The following DCAF6 variants were observed in gnomAD, a reference collection of about 807,000 sequenced individuals.
DCAF6 encodes the protein DDB1 and CUL4 associated factor 6, also known as DDB1- and CUL4-associated factor 6.
A neutral mutation model predicts 125.1 loss-of-function variants in DCAF6; 54 were observed. The ratio of observed to expected loss-of-function variants is 0.43; its 90% CI spans 0.35 to 0.54. The LOEUF is 0.54. Among genes scored for constraint, DCAF6 ranks in the 20% least tolerant of loss-of-function variants. The pLI, the probability that DCAF6 is intolerant of heterozygous loss-of-function variation, is 0.01. For missense variants in DCAF6, 934 were observed against 1,161.7 expected, an observed-to-expected ratio of 0.80 and a Z score of 2.85; for synonymous variants, 371 against 390.4, an observed-to-expected ratio of 0.95 and a Z score of 0.58.
chr1:167,883,657 G>A, the DCAF6 span: 1 of 1,613,016 alleles, frequency 6.2e-7, no homozygotes, highest in Non-Finnish European at 8.5e-7. Flanking sequence ...CTTTCTGTAG[G>A]TGTCCTTGGC....
At chr1:167,938,586 A>G (rs1408717753) in intron 1 of DCAF6, among the ~76,000 whole-genome samples, 1 of 152,212 alleles carries the variant, frequency 6.6e-6, no homozygotes, top group Non-Finnish European at 1.5e-5. Context: ...TTTTAAAACT[A>G]TTTACCAAAA....
At chr1:167,975,537 A>C (rs1678016569) in intron 4 of DCAF6, among the ~76,000 whole-genome samples, 1 of 152,170 alleles carries the variant, frequency 6.6e-6, no homozygotes, top group African/African-American at 2.4e-5. Context: ...GTTCAGAAAA[A>C]ATGTACAACT....
chr1:168,015,171 T>C, intron 10 of DCAF6, among the ~76,000 whole-genome samples: 1 of 152,234 alleles, frequency 6.6e-6, no homozygotes, highest in Admixed American at 6.5e-5. Context: ...ATTTTTCTAC[T>C]TTTCATCTGT....
At chr1:168,070,766 G>A (rs1378472748) in intron 21 of DCAF6, among the ~76,000 whole-genome samples, 1 of 152,202 alleles carries the variant, frequency 6.6e-6, no homozygotes, top group Non-Finnish European at 1.5e-5. Context: ...AGAGGCTTTG[G>A]AAAGATGGTA....
chr1:167,908,070 C>T, the DCAF6 span, among the ~76,000 whole-genome samples: 1 of 152,122 alleles, frequency 6.6e-6, no homozygotes. Context: ...GGTATATACC[C>T]AAAGGAATTG....
intron 7 of DCAF6, among the ~76,000 whole-genome samples, chr1:168,001,837 T>C (rs1682684848): frequency 6.6e-6 from 1 of 152,098 alleles, no homozygotes; most frequent in Non-Finnish European, 1.5e-5. Flanking sequence ...CAAGAAAGGC[T>C]GGAAGGAGTT....
At chr1:167,995,228 A>G (rs760907447) in intron 7 of DCAF6, among the ~76,000 whole-genome samples, 2 of 152,232 alleles carry the variant, frequency 1.3e-5, no homozygotes, top group African/African-American at 2.4e-5. Flanking sequence ...AAGTGGGCCA[A>G]CTAGTTTTGA....
chr1:167,941,434 A>C (rs1402060467), intron 1 of DCAF6, among the ~76,000 whole-genome samples: 1 of 152,254 alleles, frequency 6.6e-6, no homozygotes, highest in African/African-American at 2.4e-5. Flanking sequence ...AGTATGCTTT[A>C]GGTCAGTGTT....
chr1:167,968,931 A>G (rs369082616), intron 3 of DCAF6, among the ~76,000 whole-genome samples: 1 of 152,162 alleles, frequency 6.6e-6, no homozygotes, highest in African/African-American at 2.4e-5. Flanking sequence ...GCTTCTTGGT[A>G]TTATTGCAAT....
chr1:167,869,287 G>T, the DCAF6 span, among the ~76,000 whole-genome samples: 1 of 152,074 alleles, frequency 6.6e-6, no homozygotes, highest in Non-Finnish European at 1.5e-5. Flanking sequence ...AAGCTTCATT[G>T]CTACCTTAGT....
chr1:167,866,077 G>A, the DCAF6 span, among the ~76,000 whole-genome samples: 1 of 152,176 alleles, frequency 6.6e-6, no homozygotes, highest in Non-Finnish European at 1.5e-5. Flanking sequence ...ATTTTCAAGA[G>A]CTTATCAATC....
Position 167,951,847 on chromosome 1 carries a change from G to A in DCAF6, c.145G>A (p.Val49Met), listed in dbSNP as rs570540717. The A allele has an allele frequency of 6.2e-7, 1 of 1,606,446 alleles. No individual in the cohort carries two copies. The highest frequency in any genetic ancestry group is 1.7e-5 in the Admixed American group (1 of 59,892). Residue 49 changes from valine (V) to methionine (M), a missense_variant, in exon 2 of 22, where the codon GTG (valine) becomes ATG (methionine). Physicochemically the swap from Val to Met is conservative, Grantham distance 21. Around this residue, in one of 5 missense-constraint regions of DCAF6, gnomAD observed 309 missense variants for 381.2 expected, o/e 0.81. Transcript: ENST00000367840. ...ATTAAAACTTGAAGCAACCCTTAAT[G>A]TGCATGATGGTTGTGTAAGTAATAG... ...QRLKLEATLN[V>M]HDGCVNTICW...
At chr1:167,939,763 A>ATAAATAAATAAAT (rs1476483784) in intron 1 of DCAF6, among the ~76,000 whole-genome samples, 10 of 121,866 alleles carry the variant, frequency 8.2e-5, no homozygotes, top group Non-Finnish European at 1.6e-4. Flanking sequence ...ACTCTGCGTC[A>ATAAATAAATAAAT]TAAATAAATA....
Position 168,038,927 on chromosome 1 carries a change from C to A in DCAF6, c.1727+439C>A, listed in dbSNP as rs180986223. On this transcript the variant is annotated intron_variant, in intron 13 of 21. Coordinates refer to ENST00000367840, the MANE Select transcript of DCAF6 (RefSeq NM_001198956.2). ...AGTGATACTAAATATACTGTATTCT[C>A]CCCTGCATTTGTTTGACTTTATAAT... 2.3e-4 allele frequency among the ~76,000 whole-genome samples: 35 copies of A among 152,070 alleles called. No homozygotes were observed. In the East Asian group the frequency reaches 6.4e-3, roughly 28 times the overall value.
chr1:167,987,647 T>G (rs1327436358), intron 5 of DCAF6, 39 bp downstream of exon 5: 2 of 1,073,634 alleles, frequency 1.9e-6, no homozygotes, highest in Non-Finnish European at 2.8e-6. Context: ...GCAGAAAAAA[T>G]TAAGGTTATA....
rs1571949003 is a variant in DCAF6, at chr1:168,015,786, T to C, written c.1384T>C (p.Leu462=). 1 of 1,483,056 alleles carries C rather than the reference T, an allele frequency of 6.7e-7. No homozygotes were observed. The highest frequency in any genetic ancestry group is 1.4e-5 in the African/African-American group (1 of 70,158). The allele number at this position is 1,483,056 out of a possible 1,614,324, so 91.9% of individuals were successfully genotyped here. ...TCTTTTCCTATTTGTGTCAGAATTT[T>C]TAAGGGGCCCTGAGATAGCTTTGCT... ...GHHTHHQSEF[L]RGPEIALLRK... Residue 462 remains leucine (L), a synonymous_variant, in exon 11 of 22, where the codon TTA becomes CTA. Coordinates refer to ENST00000367840, the MANE Select transcript of DCAF6 (RefSeq NM_001198956.2).
the DCAF6 span, among the ~76,000 whole-genome samples, chr1:167,915,669 G>A: frequency 2.0e-5 from 3 of 152,040 alleles, no homozygotes; most frequent in South Asian, 6.2e-4. Flanking sequence ...CAGTCTTGTC[G>A]CGAACTCCTG....
At chr1:168,049,866 A>G (rs1239382389) in intron 16 of DCAF6, among the ~76,000 whole-genome samples, 4 of 150,678 alleles carry the variant, frequency 2.7e-5, no homozygotes, top group African/African-American at 9.8e-5. Context: ...CGTGTTAGCC[A>G]GGATGATCTC....
intron 16 of DCAF6, among the ~76,000 whole-genome samples, chr1:168,049,646 ATTTTTTTTT>A (rs756012977): frequency 3.3e-5 from 3 of 90,294 alleles, no homozygotes; most frequent in Admixed American, 1.2e-4. Context: ...TCTGCATATA[ATTTTTTTTT>A]TTTTTTTTTT....
Sources: gnomAD v4.1 joint callset for allele counts (sites outside exome capture counted in the v4.1 genomes callset) on GRCh38, gnomAD v4.1.1 for gene constraint, gnomAD v4.1.1 regional missense constraint, MANE v1.5 for transcripts, NCBI Gene and HGNC (gene_info 2026-07-23, HGNC 2026-07-21) for gene names.